The following VPS41 variants were observed in gnomAD, a reference collection of about 807,000 sequenced individuals.
VPS41 encodes the protein vacuolar protein sorting-associated protein 41 homolog.
VPS41 carries 85 observed loss-of-function variants against 130.9 expected under a neutral mutation model. The observed-to-expected ratio is 0.65, with a 90% CI of 0.55 to 0.78. The LOEUF is 0.78. Ranked by LOEUF, VPS41 falls within the 30% of genes least tolerant of loss-of-function variation. VPS41 has a pLI of 0.00. For synonymous variants in VPS41, 335 were observed against 332.9 expected (o/e 1.01, Z -0.07); for missense variants, 874 against 1,018.7 (o/e 0.86, Z 1.93).
At chr7:38,731,830 A>C (rs1336154538) in intron 25 of VPS41, among the ~76,000 whole-genome samples, 1 of 152,180 alleles carries the variant, frequency 6.6e-6, no homozygotes, top group African/African-American at 2.4e-5. Context: ...TACCACCTAG[A>C]TTTAACAAAT....
intron 9 of VPS41, among the ~76,000 whole-genome samples, chr7:38,790,937 T>C (rs1784524831): frequency 1.3e-5 from 2 of 152,236 alleles, no homozygotes; most frequent in South Asian, 2.1e-4. Context: ...AGAAGTAGAA[T>C]TGATACCAAT....
chr7:38,732,491 C>A (rs552895662), intron 25 of VPS41, among the ~76,000 whole-genome samples: 10 of 151,922 alleles, frequency 6.6e-5, no homozygotes, highest in Non-Finnish European at 1.0e-4. Context: ...GAGTTAGGAC[C>A]AGTTTATTAA....
In VPS41 at chr7:38,872,378, G is replaced by T. The variant is rs575336701; in HGVS notation, c.61-3125C>A. On this transcript the variant is annotated intron_variant, in intron 2 of 28. Coordinates refer to ENST00000310301, the MANE Select transcript of VPS41 (RefSeq NM_014396.4). ...CTACAATATCCTTTCAGTCATACGGGTCAGTCATGATTCAGTGTGGGAGGT... is the reference window on the plus strand; with the variant it reads ...CTACAATATCCTTTCAGTCATACGGTTCAGTCATGATTCAGTGTGGGAGGT... Among the ~76,000 whole-genome samples the T allele has an allele frequency of 4.6e-5, 7 of 152,312 alleles. No homozygotes were observed. In the South Asian group the frequency reaches 1.4e-3, roughly 32 times the overall value.
chr7:38,850,238 G>A (rs1391769354), intron 4 of VPS41, among the ~76,000 whole-genome samples: 2 of 152,144 alleles, frequency 1.3e-5, no homozygotes, highest in African/African-American at 4.8e-5. Context: ...GTTATAAAAT[G>A]GTACCATATT....
chr7:38,842,819 G>A (rs1320679277), intron 4 of VPS41, among the ~76,000 whole-genome samples: 1 of 152,188 alleles, frequency 6.6e-6, no homozygotes, highest in Non-Finnish European at 1.5e-5. Context: ...TACCCCTCTT[G>A]TGTGTTCCCA....
At chr7:38,848,477 C>T (rs562289275) in intron 4 of VPS41, among the ~76,000 whole-genome samples, 1 of 152,078 alleles carries the variant, frequency 6.6e-6, no homozygotes, top group South Asian at 2.1e-4. Flanking sequence ...TAAAGCCAAA[C>T]ATATGAATAA....
chr7:38,897,571 G>A (rs929636605), intron 2 of VPS41, among the ~76,000 whole-genome samples: 28 of 151,838 alleles, frequency 1.8e-4, no homozygotes, highest in African/African-American at 6.8e-4. Context: ...TGTGAACCTG[G>A]GAGACGGAGC....
intron 4 of VPS41, among the ~76,000 whole-genome samples, chr7:38,840,849 C>T (rs565288962): frequency 7.2e-4 from 109 of 152,238 alleles, no homozygotes; most frequent in African/African-American, 2.6e-3. Context: ...AACAGTAAAA[C>T]CATTTAATGT....
intron 5 of VPS41, among the ~76,000 whole-genome samples, chr7:38,826,714 G>C (rs1488368189): frequency 1.3e-5 from 2 of 152,176 alleles, no homozygotes; most frequent in African/African-American, 4.8e-5. Context: ...ACATCACACA[G>C]CTAAGAAGTG....
At chr7:38,835,087 C>T (rs1257019011) in intron 4 of VPS41, among the ~76,000 whole-genome samples, 2 of 151,906 alleles carry the variant, frequency 1.3e-5, no homozygotes, top group African/African-American at 2.4e-5. Flanking sequence ...GGTACTACTA[C>T]TTTTCCTATT....
At chr7:38,891,751 G>A (rs1390710875) in intron 2 of VPS41, among the ~76,000 whole-genome samples, 1 of 152,130 alleles carries the variant, frequency 6.6e-6, no homozygotes, top group Non-Finnish European at 1.5e-5. Flanking sequence ...CATTAATCAA[G>A]TTAGTGGCAG....
At position 38,898,090 on chromosome 7, in the gene VPS41, C is replaced by A. The variant is rs1787051084; in HGVS notation, c.60+1G>T. The A allele has an allele frequency of 6.2e-7, 1 of 1,613,678 alleles. No individual in the cohort carries two copies. Among genetic ancestry groups the A allele is most frequent in the Non-Finnish European group, 8.5e-7 (1 of 1,179,642 alleles). ...CGAGGGCTCCTGAGTCACCACCTTA[C>A]CTCAGACTCATCTGTAGATTCTTCA... is the stretch of plus-strand genomic sequence containing the variant. On this transcript the variant is annotated splice_donor_variant, in intron 2 of 28. Coordinates refer to ENST00000310301, the MANE Select transcript of VPS41 (RefSeq NM_014396.4). LOFTEE classifies it high-confidence loss of function.
In VPS41 at chr7:38,728,685, T is replaced by A; in HGVS notation, c.2359+7A>T. On this transcript the variant is annotated splice_region_variant and intron_variant, in intron 26 of 28. Coordinates refer to ENST00000310301, the MANE Select transcript of VPS41 (RefSeq NM_014396.4). ...TGGTTCCATATGATTATTTCAATTT[T>A]ACCCACCATCAACAAGAACACCTTT... is the stretch of plus-strand genomic sequence containing the variant. 1 of 1,614,140 alleles carries A rather than the reference T, an allele frequency of 6.2e-7. No individual in the cohort carries two copies. Among genetic ancestry groups the A allele is most frequent in the Non-Finnish European group, 8.5e-7 (1 of 1,179,984 alleles).
chr7:38,872,895 A>G (rs1786402508), intron 2 of VPS41, among the ~76,000 whole-genome samples: 1 of 152,242 alleles, frequency 6.6e-6, no homozygotes, highest in African/African-American at 2.4e-5. Flanking sequence ...AACATGTTAA[A>G]TACAAATTGA....
chr7:38,891,221 C>G (rs1295368326), intron 2 of VPS41, among the ~76,000 whole-genome samples: 1 of 151,986 alleles, frequency 6.6e-6, no homozygotes, highest in Non-Finnish European at 1.5e-5. Flanking sequence ...ATACAGAAGA[C>G]ACCTATAATA....
Position 38,754,916 on chromosome 7 carries a change from C to T in VPS41, c.1716G>A (p.Leu572=), listed in dbSNP as rs749884356. ...FDSEKAVDML[L]DNEDKISIKK... is the part of the protein sequence containing the mutation. ...TCACTGAAATTTTATCTTCATTGTC[C>T]AAAAGCATGTCAACAGCTTTCTGAA... is the stretch of plus-strand genomic sequence containing the variant. The change falls in exon 20 of 29, where the codon TTG becomes TTA. Residue 572 remains leucine, a synonymous_variant. Transcript: ENST00000310301. The T allele has an allele frequency of 6.2e-7, 1 of 1,613,548 alleles. No individual in the cohort carries two copies. The highest frequency in any genetic ancestry group is 1.7e-5 in the Admixed American group (1 of 59,960).
At chr7:38,833,741 G>C (rs1418825871) in intron 4 of VPS41, among the ~76,000 whole-genome samples, 2 of 151,986 alleles carry the variant, frequency 1.3e-5, no homozygotes. Context: ...AACTTCATGA[G>C]AGAATGTTCA....
At chr7:38,798,672 T>C (rs1305328714) in intron 7 of VPS41, among the ~76,000 whole-genome samples, 1 of 152,044 alleles carries the variant, frequency 6.6e-6, no homozygotes, top group African/African-American at 2.4e-5. Context: ...GAGGTGATCG[T>C]CCGAAATGGG....
rs1784504121 is a variant in VPS41, at chr7:38,789,813, A to C, written c.772T>G (p.Tyr258Asp). 1 of 1,613,622 alleles carries C rather than the reference A, an allele frequency of 6.2e-7. No individual in the cohort carries two copies. The highest frequency in any genetic ancestry group is 1.7e-5 in the Admixed American group (1 of 59,986). ...ASEMRDLPSR[Y>D]VEIVSQFETE... is the part of the protein sequence containing the mutation. ...GTTGGAGCCATACCTATTTCAACAT[A>C]TCGACTTGGCAAATCCCTCATTTCA... Residue 258 changes from tyrosine to aspartate, a missense_variant, in exon 10 of 29, where the codon TAT becomes GAT. Transcript: ENST00000310301.
Sources: gnomAD v4.1 joint callset for allele counts (sites outside exome capture counted in the v4.1 genomes callset) on GRCh38, gnomAD v4.1.1 for gene constraint, MANE v1.5 for transcripts, NCBI Gene and HGNC (gene_info 2026-07-23, HGNC 2026-07-21) for gene names.